Variants in CNTNAP2 observed in about 807,000 individuals in gnomAD.
CNTNAP2 encodes the protein contactin associated protein 2, also known as contactin-associated protein-like 2.
A neutral mutation model predicts 155.2 loss-of-function variants in CNTNAP2; 98 were observed. The ratio of observed to expected loss-of-function variants is 0.63; its 90% CI spans 0.54 to 0.75. The LOEUF (loss-of-function observed/expected upper bound fraction) is 0.75, where lower values mean the gene tolerates loss of function less well. Ranked by LOEUF, CNTNAP2 falls within the 30% of genes least tolerant of loss-of-function variation. The pLI, the probability that CNTNAP2 is intolerant of heterozygous loss-of-function variation, is 0.00. For missense variants in CNTNAP2, 1,727 were observed against 1,688.1 expected (o/e 1.02, Z -0.40); for synonymous variants, 651 against 631.2 (o/e 1.03, Z -0.47).
At chr7:147,162,916 G>A (rs143218385) in intron 8 of CNTNAP2, among the ~76,000 whole-genome samples, 44 of 152,218 alleles carry the variant, frequency 2.9e-4, no homozygotes, top group Non-Finnish European at 4.7e-4. Context: ...TTTTCACGTC[G>A]GCTGGGGTTG....
intron 1 of CNTNAP2, among the ~76,000 whole-genome samples, chr7:146,579,816 A>G (rs1198818641): frequency 6.6e-6 from 1 of 152,156 alleles, no homozygotes; most frequent in East Asian, 1.9e-4. Context: ...ATGTAAAGGT[A>G]TTTATGTGAA....
rs938647793 is a variant in CNTNAP2 at position 146,712,900 on chromosome 7, A to G, written c.98-61371A>G. On this transcript the variant is annotated intron_variant, in intron 1 of 23. Coordinates refer to ENST00000361727, the MANE Select transcript of CNTNAP2 (RefSeq NM_014141.6). ...ATTTTTTTTTGCCTTATATTTTTCT[A>G]TTGGCTTATTTTCCTTTATTTTAAT... Among the ~76,000 whole-genome samples, 5 of 151,286 alleles carry G rather than the reference A, an allele frequency of 3.3e-5. 1 individual carries two copies. The highest frequency in any genetic ancestry group is 5.9e-5 in the Non-Finnish European group (4 of 67,820).
intron 2 of CNTNAP2, among the ~76,000 whole-genome samples, chr7:146,808,331 G>C (rs1289830219): frequency 2.6e-5 from 4 of 152,150 alleles, no homozygotes; most frequent in South Asian, 4.1e-4. Context: ...CATTGATTGA[G>C]AGCACTGTAG....
chr7:147,407,252 A>G (rs1375052797), intron 10 of CNTNAP2, among the ~76,000 whole-genome samples: 2 of 152,108 alleles, frequency 1.3e-5, no homozygotes, highest in Non-Finnish European at 2.9e-5. Flanking sequence ...GCAGATCACG[A>G]GGTCAGGAGA....
intron 8 of CNTNAP2, among the ~76,000 whole-genome samples, chr7:147,169,597 T>A (rs1802186107): frequency 1.5e-5 from 2 of 134,650 alleles, no homozygotes; most frequent in Admixed American, 1.6e-4. Flanking sequence ...CATATTTCTG[T>A]AAAGGACACA....
intron 14 of CNTNAP2, among the ~76,000 whole-genome samples, chr7:147,920,203 A>C (rs536329240): frequency 1.3e-5 from 2 of 151,622 alleles, no homozygotes; most frequent in Non-Finnish European, 2.9e-5. Context: ...TAAAAATACA[A>C]AAATTAGCTG....
At chr7:146,138,988 A>G (rs1025251710) in intron 1 of CNTNAP2, among the ~76,000 whole-genome samples, 5 of 152,162 alleles carry the variant, frequency 3.3e-5, no homozygotes, top group Non-Finnish European at 7.3e-5. Context: ...AATGCATTGA[A>G]TACAGCTAGC....
intron 10 of CNTNAP2, among the ~76,000 whole-genome samples, chr7:147,452,329 C>G (rs1324634965): frequency 1.3e-5 from 2 of 152,160 alleles, no homozygotes; most frequent in African/African-American, 4.8e-5. Flanking sequence ...CAAAAAGTAG[C>G]TGGCCTTGAC....
chr7:146,962,352 T>C (rs1401093061), intron 3 of CNTNAP2, among the ~76,000 whole-genome samples: 1 of 152,192 alleles, frequency 6.6e-6, no homozygotes, highest in Non-Finnish European at 1.5e-5. Flanking sequence ...TCAACCTGAG[T>C]TGAGTTCATA....
At chr7:147,094,399 C>CTTTTTT (rs55694542) in intron 4 of CNTNAP2, among the ~76,000 whole-genome samples, 5 of 132,962 alleles carry the variant, frequency 3.8e-5, no homozygotes, top group African/African-American at 5.7e-5. Flanking sequence ...ATTATTATTC[C>CTTTTTT]TTTTTTTTTT....
At chr7:146,467,472 A>G (rs544790417) in intron 1 of CNTNAP2, among the ~76,000 whole-genome samples, 12 of 152,270 alleles carry the variant, frequency 7.9e-5, no homozygotes, top group Middle Eastern at 6.8e-3. Flanking sequence ...TGTCATTTCA[A>G]TTGATCATTC....
chr7:147,417,878 A>C (rs1293980774), intron 10 of CNTNAP2, among the ~76,000 whole-genome samples: 1 of 152,232 alleles, frequency 6.6e-6, no homozygotes, highest in Non-Finnish European at 1.5e-5. Context: ...AAAGTTTTTT[A>C]AGAGTTCCAT....
chr7:146,897,205 T>G (rs1053533622), intron 3 of CNTNAP2, among the ~76,000 whole-genome samples: 4 of 152,140 alleles, frequency 2.6e-5, no homozygotes, highest in Non-Finnish European at 4.4e-5. Context: ...GAGATACTAC[T>G]CAGTGTCTAT....
At chr7:146,156,347 TA>T (rs1167811475) in intron 1 of CNTNAP2, among the ~76,000 whole-genome samples, 1 of 152,202 alleles carries the variant, frequency 6.6e-6, no homozygotes, top group Non-Finnish European at 1.5e-5. Flanking sequence ...TGATACATTG[TA>T]AAACACCCAG....
At chr7:146,748,783 A>G (rs935187650) in intron 1 of CNTNAP2, among the ~76,000 whole-genome samples, 3 of 152,190 alleles carry the variant, frequency 2.0e-5, no homozygotes, top group Admixed American at 6.5e-5. Context: ...TAAGAACACT[A>G]TGGAATTTCT....
chr7:146,930,438 G>T (rs994445787), intron 3 of CNTNAP2, among the ~76,000 whole-genome samples: 1 of 152,044 alleles, frequency 6.6e-6, no homozygotes, highest in Non-Finnish European at 1.5e-5. Flanking sequence ...CCTGAAGGAA[G>T]CACTAAACAT....
At chr7:146,796,464 T>C (rs547524798) in intron 2 of CNTNAP2, among the ~76,000 whole-genome samples, 27 of 152,208 alleles carry the variant, frequency 1.8e-4, no homozygotes, top group South Asian at 4.2e-4. Context: ...GGAAACTGAA[T>C]TTTTTGTCAG....
chr7:148,024,313 G>A (rs1435600702), intron 15 of CNTNAP2, among the ~76,000 whole-genome samples: 10 of 152,142 alleles, frequency 6.6e-5, no homozygotes, highest in South Asian at 2.1e-4. Flanking sequence ...CTCCATACCC[G>A]CTAGGCATGT....
intron 11 of CNTNAP2, among the ~76,000 whole-genome samples, chr7:147,554,998 T>C (rs1799924952): frequency 6.6e-6 from 1 of 152,190 alleles, no homozygotes; most frequent in African/African-American, 2.4e-5. Context: ...GGTCTCAAGG[T>C]CATTGCCGCC....
Sources: gnomAD v4.1 joint callset for allele counts (sites outside exome capture counted in the v4.1 genomes callset) on GRCh38, gnomAD v4.1.1 for gene constraint, MANE v1.5 for transcripts, NCBI Gene and HGNC (gene_info 2026-07-23, HGNC 2026-07-21) for gene names.